NFILZ: variants seen among roughly 807,000 people sequenced by gnomAD.
NFILZ encodes the protein NFIL3 like protein.
chr19:8,644,180 A>C (rs949971054), intron 3 of NFILZ, among the ~76,000 whole-genome samples: 14 of 152,136 alleles, frequency 9.2e-5, no homozygotes, highest in Admixed American at 7.9e-4. Context: ...GGCTCACTGC[A>C]GCCTCCACCT....
chr19:8,678,091 T>G lies in NFILZ; in HGVS notation c.*456T>G, dbSNP rs2043122739. On this transcript the variant is annotated 3_prime_UTR_variant, in exon 6 of 6. Transcript: ENST00000691075. ...ATCCATCCATCAATCCATCCATCCA[T>G]TCCATCCATCCATCCATCCATCCAT... Among the ~76,000 whole-genome samples, 2 of 4,152 alleles carry G rather than the reference T, an allele frequency of 4.8e-4. No individual in the cohort carries two copies. The highest frequency in any genetic ancestry group is 1.6e-3 in the African/African-American group (1 of 620). The allele number at this position is 4,152 out of a possible 152,430, so 2.7% of individuals were successfully genotyped here. A position where few individuals can be genotyped will look rare whatever the true frequency, so the allele number is the denominator to read the frequency against.
At chr19:8,647,793 G>GCA (rs1329041998) in intron 3 of NFILZ, among the ~76,000 whole-genome samples, 3,886 of 69,498 alleles carry the variant, frequency 0.056, 93 homozygotes, top group Admixed American at 0.073. Context: ...GCGCGCGCGC[G>GCA]CGCACACACA....
At chr19:8,654,991 C>T (rs1033058414) in intron 3 of NFILZ, among the ~76,000 whole-genome samples, 2 of 152,206 alleles carry the variant, frequency 1.3e-5, no homozygotes, top group Non-Finnish European at 2.9e-5. Context: ...AGGTTCCTGC[C>T]GACTCTTACC....
intron 3 of NFILZ, among the ~76,000 whole-genome samples, chr19:8,636,844 G>T (rs1217995524): frequency 1.3e-5 from 2 of 151,984 alleles, no homozygotes; most frequent in Non-Finnish European, 2.9e-5. Context: ...CGCCCACCTT[G>T]GCCTCCCAAA....
At chr19:8,656,291 GCCC>G in intron 3 of NFILZ, among the ~76,000 whole-genome samples, 1 of 88,796 alleles carries the variant, frequency 1.1e-5, no homozygotes, top group African/African-American at 3.9e-5. Flanking sequence ...TCTCCCCACA[GCCC>G]ACCTCCTCCC....
At chr19:8,647,993 A>G (rs9917020) in intron 3 of NFILZ, among the ~76,000 whole-genome samples, 1 of 151,630 alleles carries the variant, frequency 6.6e-6, no homozygotes, top group South Asian at 2.1e-4. Flanking sequence ...TAACACGGTG[A>G]AACCCCGTCT....
At chr19:8,661,209 C>T (rs910058623) in intron 3 of NFILZ, among the ~76,000 whole-genome samples, 3 of 148,662 alleles carry the variant, frequency 2.0e-5, no homozygotes, top group Admixed American at 1.4e-4. Flanking sequence ...GTCACCCAGG[C>T]TGCAGTGCAG....
At chr19:8,635,149 A>G (rs1194736037) in intron 2 of NFILZ, among the ~76,000 whole-genome samples, 7 of 151,796 alleles carry the variant, frequency 4.6e-5, no homozygotes, top group African/African-American at 1.7e-4. Flanking sequence ...GTCTCTACTA[A>G]AAATACAAAA....
intron 3 of NFILZ, among the ~76,000 whole-genome samples, chr19:8,667,618 G>A (rs1555749942): frequency 6.6e-6 from 1 of 152,030 alleles, no homozygotes; most frequent in South Asian, 2.1e-4. Context: ...TGCGATCTCG[G>A]CTCACTGCAA....
At position 8,680,850 on chromosome 19, in the gene NFILZ, A is replaced by C. The variant is rs2043143200; in HGVS notation, c.*3215A>C. Among the ~76,000 whole-genome samples the C allele has an allele frequency of 6.6e-6, 1 of 152,134 alleles. No homozygotes were observed. The highest frequency in any genetic ancestry group is 6.5e-5 in the Admixed American group (1 of 15,276). ...CAGAGGAAGAACATTTCCTAGTCAG[A>C]AAGAACAGCCTGTGCAAAGGCCCTG... On this transcript the variant is annotated 3_prime_UTR_variant, in exon 6 of 6. Transcript: ENST00000691075.
At chr19:8,654,708 G>A (rs1301774885) in intron 3 of NFILZ, among the ~76,000 whole-genome samples, 1 of 152,190 alleles carries the variant, frequency 6.6e-6, no homozygotes, top group Non-Finnish European at 1.5e-5. Context: ...CAATGAAGGA[G>A]GGTGCAGTTC....
intron 3 of NFILZ, among the ~76,000 whole-genome samples, chr19:8,656,446 GAAGCC>G (rs2043001166): frequency 7.2e-5 from 1 of 13,910 alleles, no homozygotes; most frequent in African/African-American, 1.4e-4. Context: ...CCTTCTCCTC[GAAGCC>G]CACCTTCTCT....
chr19:8,671,105 T>C (rs1555750250), intron 3 of NFILZ, among the ~76,000 whole-genome samples: 1 of 152,028 alleles, frequency 6.6e-6, no homozygotes, highest in East Asian at 1.9e-4. Context: ...ATGAGCTCCC[T>C]GTTACAGAAG....
intron 3 of NFILZ, among the ~76,000 whole-genome samples, chr19:8,672,544 A>C (rs2043092846): frequency 6.6e-6 from 1 of 152,106 alleles, no homozygotes; most frequent in Admixed American, 6.6e-5. Flanking sequence ...GTTCATTAAA[A>C]AATTCATGTG....
In NFILZ at chr19:8,680,413, A is replaced by G. The variant is rs1209392341; in HGVS notation, c.*2778A>G. On this transcript the variant is annotated 3_prime_UTR_variant, in exon 6 of 6. Transcript: ENST00000691075. Reference sequence around the variant, plus strand: ...TTTTATTCAAGGCATGTTTTGTTGTAAAAAGTCTGAAAATCATATGCAGCC... The same window carrying G: ...TTTTATTCAAGGCATGTTTTGTTGTGAAAAGTCTGAAAATCATATGCAGCC... 1.3e-5 allele frequency among the ~76,000 whole-genome samples: 2 copies of G among 152,106 alleles called. No homozygotes were observed. Among genetic ancestry groups the G allele is most frequent in the African/African-American group, 4.8e-5 (2 of 41,412 alleles).
Position 8,653,038 on chromosome 19 carries a change from TTCTCTCTCTCTCTCTCTC to T in NFILZ, c.-164+17320_-164+17337del, listed in dbSNP as rs1163296485. Among the ~76,000 whole-genome samples, 157 of 90,528 alleles carry T rather than the reference TTCTCTCTCTCTCTCTCTC, an allele frequency of 1.7e-3. 2 individuals carry two copies. Among genetic ancestry groups the T allele is most frequent in the Middle Eastern group, 0.011 (2 of 178 alleles). 59.4% of individuals were successfully genotyped at this position (90,528 alleles called of 152,430 possible). ...TTTCTTTCTTTCTTTCTTTCTTTCT[TTCTCTCTCTCTCTCTCTC>T]TCTCTCTCTCTCTCTCTCTCTCTCT... On this transcript the variant is annotated intron_variant, in intron 3 of 5. Transcript: ENST00000691075.
intron 3 of NFILZ, among the ~76,000 whole-genome samples, chr19:8,670,668 G>A (rs1024133238): frequency 3.9e-5 from 6 of 152,136 alleles, no homozygotes; most frequent in African/African-American, 1.2e-4. Context: ...ATCCTGCAAG[G>A]CTTTTACTGT....
Position 8,678,064 on chromosome 19 carries a change from T to TTGTC in NFILZ, c.*429_*430insTGTC, listed in dbSNP as rs2043121627. Among the ~76,000 whole-genome samples, 1 of 9,242 alleles carries TTGTC rather than the reference T, an allele frequency of 1.1e-4. No homozygotes were observed. The highest frequency in any genetic ancestry group is 9.9e-4 in the Admixed American group (1 of 1,006). 6.1% of individuals were successfully genotyped at this position (9,242 alleles called of 152,430 possible). ...TCCATCCATCCATCCACCCATCTAT[T>TTGTC]CATCCATCCATCAATCCATCCATCC... On this transcript the variant is annotated 3_prime_UTR_variant, in exon 6 of 6. Transcript: ENST00000691075.
In NFILZ at chr19:8,640,696, C is replaced by T. The variant is rs1047131493; in HGVS notation, c.-164+4950C>T. On this transcript the variant is annotated intron_variant, in intron 3 of 5. Coordinates refer to ENST00000691075, the MANE Select transcript of NFILZ (RefSeq NM_001378600.1). ...CCAGACTTCTGGAAAATTAGGCAAG[C>T]GTTGGCAACAGAATATGTTGTGGAC... 5.3e-5 allele frequency among the ~76,000 whole-genome samples: 8 copies of T among 152,144 alleles called. 1 individual carries two copies. The highest frequency in any genetic ancestry group is 2.0e-4 in the Admixed American group (3 of 15,248).
Sources: allele counts gnomAD v4.1 joint callset (sites outside exome capture counted in the v4.1 genomes callset), GRCh38; gene constraint gnomAD v4.1.1; transcripts MANE v1.5; gene names NCBI Gene and HGNC (gene_info 2026-07-23, HGNC 2026-07-21).